The following SORCS2 variants were observed in gnomAD, a reference collection of about 807,000 sequenced individuals.
The protein encoded by SORCS2 is VPS10 domain-containing receptor SorCS2.
In SORCS2, 100 loss-of-function variants were observed where a neutral mutation model predicts 141.6. That is an observed-to-expected ratio of 0.71 (90% CI 0.60 to 0.83). SORCS2 has a LOEUF of 0.83. SORCS2 is among the 40% of genes least tolerant of loss of function. The probability of loss-of-function intolerance (pLI) is 0.00; values close to 1 mark genes in which losing one functional copy is unlikely to be tolerated. For missense variants in SORCS2, 1,646 were observed against 1,560.2 expected, an observed-to-expected ratio of 1.05 and a Z score of -0.93; for synonymous variants, 789 against 676.9, an observed-to-expected ratio of 1.17 and a Z score of -2.57.
chr4:7,380,450 GA>G (rs1049310790), intron 1 of SORCS2, among the ~76,000 whole-genome samples: 5 of 138,720 alleles, frequency 3.6e-5, no homozygotes, highest in Admixed American at 2.8e-4. Context: ...GACTGGTGAG[GA>G]AGCTGGTGTT....
rs780702145 is a variant in SORCS2 at position 7,676,139 on chromosome 4, G to A, written c.1251G>A (p.Ser417=). The change falls in exon 9 of 27, where the codon TCG becomes TCA. Residue 417 remains serine, a synonymous_variant. Coordinates refer to ENST00000507866, the MANE Select transcript of SORCS2 (RefSeq NM_020777.3). The part of the protein sequence containing the change: ...YQMDTYNLYQ[S]DPRGVRYALV... ...TGGACACCTACAACCTGTACCAGTC[G>A]GACCCACGGGGCGTGCGCTACGCGC... The A allele has an allele frequency of 5.3e-5, 84 of 1,573,584 alleles. No individual in the cohort carries two copies. Among genetic ancestry groups the A allele is most frequent in the Middle Eastern group, 1.7e-4 (1 of 6,040 alleles).
At chr4:7,517,377 A>G (rs1264231319) in intron 2 of SORCS2, among the ~76,000 whole-genome samples, 3 of 152,076 alleles carry the variant, frequency 2.0e-5, no homozygotes, top group East Asian at 1.9e-4. Context: ...TGTATCTTAT[A>G]TGTAAATATT....
chr4:7,224,336 G>A (rs1308157542), intron 1 of SORCS2, among the ~76,000 whole-genome samples: 1 of 152,254 alleles, frequency 6.6e-6, no homozygotes, highest in Non-Finnish European at 1.5e-5. Context: ...CACCAAACAG[G>A]GAGGTGGAGT....
At chr4:7,669,755 G>A (rs1348775919) in intron 8 of SORCS2, among the ~76,000 whole-genome samples, 1 of 152,102 alleles carries the variant, frequency 6.6e-6, no homozygotes, top group Non-Finnish European at 1.5e-5. Flanking sequence ...CCAGTTCTTG[G>A]TCTCCCGGCA....
chr4:7,326,831 G>A (rs1188755219), intron 1 of SORCS2, among the ~76,000 whole-genome samples: 1 of 152,254 alleles, frequency 6.6e-6, no homozygotes, highest in African/African-American at 2.4e-5. Context: ...GCCGGCCGGA[G>A]GTGGGACAGG....
intron 3 of SORCS2, among the ~76,000 whole-genome samples, chr4:7,628,127 G>T (rs761055931): frequency 2.0e-5 from 3 of 152,182 alleles, no homozygotes; most frequent in African/African-American, 4.8e-5. Flanking sequence ...GTGGTCTCTG[G>T]GCTTCCAGGC....
intron 5 of SORCS2, 29 bp from the exon 6 acceptor site, chr4:7,661,471 C>T (rs894985237): frequency 1.8e-5 from 28 of 1,550,760 alleles, no homozygotes; most frequent in South Asian, 3.6e-5. Flanking sequence ...ACTCCATTCC[C>T]GACCCCAGCC....
intron 3 of SORCS2, among the ~76,000 whole-genome samples, chr4:7,636,063 A>G (rs1720225887): frequency 6.6e-6 from 1 of 152,182 alleles, no homozygotes; most frequent in East Asian, 1.9e-4. Flanking sequence ...GCCTCGTGCC[A>G]TTGCCCACTG....
chr4:7,275,505 C>A (rs1715446911), intron 1 of SORCS2, among the ~76,000 whole-genome samples: 1 of 152,134 alleles, frequency 6.6e-6, no homozygotes, highest in African/African-American at 2.4e-5. Context: ...AAAGGGGCGA[C>A]TTTGTAGAGG....
At chr4:7,373,863 TTTTCCA>T (rs1722438847) in intron 1 of SORCS2, among the ~76,000 whole-genome samples, 1 of 152,160 alleles carries the variant, frequency 6.6e-6, no homozygotes, top group African/African-American at 2.4e-5. Flanking sequence ...AGTCTGTGGC[TTTTCCA>T]TTTCTTAGCA....
chr4:7,619,508 G>A (rs556793537), intron 3 of SORCS2, among the ~76,000 whole-genome samples: 3 of 152,278 alleles, frequency 2.0e-5, no homozygotes. Context: ...TCAGGGACAT[G>A]AGGGACAGTT....
intron 13 of SORCS2, 138 bp from the exon 14 acceptor site, chr4:7,704,039 A>G (rs1292354675): frequency 1.4e-6 from 1 of 704,980 alleles, no homozygotes; most frequent in Non-Finnish European, 2.6e-6. Context: ...ATGTGACATA[A>G]GCAGATGTGG....
At position 7,334,149 on chromosome 4, in the gene SORCS2, C is replaced by A. The variant is rs1719840716; in HGVS notation, c.481-62139C>A. Among the ~76,000 whole-genome samples the A allele has an allele frequency of 1.3e-5, 2 of 152,148 alleles. 1 individual carries two copies. The highest frequency in any genetic ancestry group is 4.8e-5 in the African/African-American group (2 of 41,428). ...ACGAGGGCGGCACAAGTGAAACGTCCAGGGTGCAGAGTTTAAGAAGGTGCC... is the reference window on the plus strand; with the variant it reads ...ACGAGGGCGGCACAAGTGAAACGTCAAGGGTGCAGAGTTTAAGAAGGTGCC... On this transcript the variant is annotated intron_variant, in intron 1 of 26. Transcript: ENST00000507866.
At chr4:7,335,378 C>T (rs536957528) in intron 1 of SORCS2, among the ~76,000 whole-genome samples, 5 of 152,314 alleles carry the variant, frequency 3.3e-5, no homozygotes, top group Admixed American at 3.3e-4. Flanking sequence ...AGGGGAGATG[C>T]TTTGATAACC....
chr4:7,576,410 T>C (rs1318117672), intron 3 of SORCS2, among the ~76,000 whole-genome samples: 1 of 152,202 alleles, frequency 6.6e-6, no homozygotes, highest in Non-Finnish European at 1.5e-5. Context: ...TCTTTGGATT[T>C]AGGAAAAGAA....
chr4:7,704,374 C>A, intron 14 of SORCS2, 90 bp downstream of exon 14: 6 of 1,176,240 alleles, frequency 5.1e-6, no homozygotes, highest in Non-Finnish European at 7.2e-6. Flanking sequence ...ACCCCCCAGC[C>A]ACCTGGGAAT....
rs149040714 is a variant in SORCS2 at position 7,649,336 on chromosome 4, G to A, written c.814-4798G>A. ...CAGGGAGTGAGCAGGATGGCAGCCA[G>A]AGGGGGGTCCAATGGTATCGGGGGG... On this transcript the variant is annotated intron_variant, in intron 4 of 26. Coordinates refer to ENST00000507866, the MANE Select transcript of SORCS2 (RefSeq NM_020777.3). 4.0e-3 allele frequency among the ~76,000 whole-genome samples: 597 copies of A among 150,394 alleles called. 7 individuals are homozygous for A. The highest frequency in any genetic ancestry group is 4.9e-3 in the Non-Finnish European group (331 of 67,396).
intron 2 of SORCS2, among the ~76,000 whole-genome samples, chr4:7,429,140 G>A (rs551137939): frequency 6.6e-6 from 1 of 152,310 alleles, no homozygotes; most frequent in East Asian, 1.9e-4. Flanking sequence ...GCACATGCGT[G>A]AGTGTGTGCA....
At chr4:7,608,649 C>T (rs528512294) in intron 3 of SORCS2, among the ~76,000 whole-genome samples, 1 of 152,340 alleles carries the variant, frequency 6.6e-6, no homozygotes, top group South Asian at 2.1e-4. Flanking sequence ...CAGCCAGCAC[C>T]TGGAGGTGCC....
Sources: allele counts gnomAD v4.1 joint callset (sites outside exome capture counted in the v4.1 genomes callset), GRCh38; gene constraint gnomAD v4.1.1; transcripts MANE v1.5; gene names NCBI Gene and HGNC (gene_info 2026-07-23, HGNC 2026-07-21).